HDAC9: variants seen among roughly 807,000 people sequenced by gnomAD.
The protein encoded by HDAC9 is MEF-2 interacting transcription repressor (MITR) protein.
In HDAC9, 41 loss-of-function variants were observed where a neutral mutation model predicts 139.4. The ratio of observed to expected loss-of-function variants is 0.29; its 90% CI spans 0.23 to 0.38. The LOEUF is 0.38. Ranked by LOEUF, HDAC9 falls within the 10% of genes least tolerant of loss-of-function variation. The pLI, the probability that HDAC9 is intolerant of heterozygous loss-of-function variation, is 1.00. For missense variants in HDAC9, 1,147 were observed against 1,297.0 expected (o/e 0.88, Z 1.78); for synonymous variants, 517 against 476.2 (o/e 1.09, Z -1.12).
chr7:18,383,718 T>TA (rs79484446), intron 1 of HDAC9, among the ~76,000 whole-genome samples: 187 of 141,742 alleles, frequency 1.3e-3, no homozygotes, highest in South Asian at 7.0e-3. Flanking sequence ...CCGTCTCTAC[T>TA]AAAAAAAAAA....
At chr7:18,470,384 T>C (rs781737854) in intron 1 of HDAC9, among the ~76,000 whole-genome samples, 50 of 152,156 alleles carry the variant, frequency 3.3e-4, no homozygotes, top group Non-Finnish European at 6.0e-4. Context: ...TTTGTAACGA[T>C]AATTTCAGTA....
chr7:18,368,832 A>T (rs917513737), intron 1 of HDAC9, among the ~76,000 whole-genome samples: 1 of 152,084 alleles, frequency 6.6e-6, no homozygotes, highest in Non-Finnish European at 1.5e-5. Flanking sequence ...GGTGCCCCTG[A>T]GAAGGAACAG....
At chr7:18,897,767 A>G (rs2389992) in intron 22 of HDAC9, among the ~76,000 whole-genome samples, 40,189 of 151,136 alleles carry the variant, frequency 0.27, 6,414 homozygotes, top group Non-Finnish European at 0.36. Flanking sequence ...TGGTTATAAA[A>G]CAAATGTTAT....
At chr7:18,990,162 G>GT (rs1187685305) in intron 25 of HDAC9, among the ~76,000 whole-genome samples, 5 of 152,108 alleles carry the variant, frequency 3.3e-5, no homozygotes, top group Non-Finnish European at 7.4e-5. Flanking sequence ...TTTCTGCTCT[G>GT]TTTTTTCCCC....
chr7:18,525,559 C>T (rs1806558808), intron 2 of HDAC9, among the ~76,000 whole-genome samples: 1 of 152,052 alleles, frequency 6.6e-6, no homozygotes. Context: ...TTGCTCAATC[C>T]ATATTTTTGT....
At chr7:18,267,129 G>A in intron 2 of HDAC9, among the ~76,000 whole-genome samples, 1 of 151,918 alleles carries the variant, frequency 6.6e-6, no homozygotes, top group East Asian at 1.9e-4. Flanking sequence ...TAAAAGACAT[G>A]GCTTTATTAT....
intron 13 of HDAC9, among the ~76,000 whole-genome samples, chr7:18,733,249 GTATATAA>G (rs1786548831): frequency 6.8e-6 from 1 of 146,432 alleles, no homozygotes; most frequent in African/African-American, 2.5e-5. Flanking sequence ...GTGTATATAT[GTATATAA>G]TGTATATATA....
chr7:18,434,465 A>C (rs1245016424), intron 1 of HDAC9, among the ~76,000 whole-genome samples: 2 of 152,266 alleles, frequency 1.3e-5, no homozygotes, highest in Admixed American at 6.5e-5. Flanking sequence ...GAATAAACAG[A>C]CATGGGAGAA....
rs750714516 is a variant in HDAC9 at position 18,975,797 on chromosome 7, T to A, written c.3023-9T>A. 10 of 1,613,206 alleles carry A rather than the reference T, an allele frequency of 6.2e-6. No individual in the cohort carries two copies. The South Asian group carries it at 1.1e-4, about 18-fold the overall frequency. ...AATTCTTATGAAGTATGATGGATGT[T>A]TTTCCTAGGCAAGTATTGGAAGTCA... On this transcript the variant is annotated splice_polypyrimidine_tract_variant and intron_variant, in intron 24 of 25. Coordinates refer to ENST00000686413, the MANE Select transcript of HDAC9 (RefSeq NM_178425.4).
intron 2 of HDAC9, among the ~76,000 whole-genome samples, chr7:18,261,625 C>T (rs961226557): frequency 2.0e-5 from 3 of 152,134 alleles, no homozygotes; most frequent in South Asian, 2.1e-4. Context: ...AAAGTACCCA[C>T]GCAAAAGGTT....
intron 1 of HDAC9, among the ~76,000 whole-genome samples, chr7:18,323,724 G>A (rs933156058): frequency 5.3e-5 from 8 of 152,112 alleles, no homozygotes; most frequent in Admixed American, 4.6e-4. Flanking sequence ...ATAGTCTTTG[G>A]TGAGTACCAA....
chr7:18,208,356 A>G (rs947845304), intron 2 of HDAC9, among the ~76,000 whole-genome samples: 3 of 150,186 alleles, frequency 2.0e-5, no homozygotes, highest in African/African-American at 7.4e-5. Context: ...TTTGTATCCA[A>G]AATGTCTGAG....
At chr7:18,288,907 G>A (rs1312530966), upstream of HDAC9, among the ~76,000 whole-genome samples, 1 of 152,224 alleles carries the variant, frequency 6.6e-6, no homozygotes, top group African/African-American at 2.4e-5. Flanking sequence ...AGCCGAGGAG[G>A]TGCCACCAAA....
intron 16 of HDAC9, among the ~76,000 whole-genome samples, chr7:18,792,331 T>G (rs1276969483): frequency 4.6e-5 from 7 of 151,910 alleles, no homozygotes; most frequent in African/African-American, 7.2e-5. Flanking sequence ...TTGGGAAGTC[T>G]TGCTATTTAC....
chr7:18,129,401 CT>C (rs1784869005), intron 1 of HDAC9, among the ~76,000 whole-genome samples: 1 of 151,938 alleles, frequency 6.6e-6, no homozygotes, highest in Non-Finnish European at 1.5e-5. Flanking sequence ...TTTTATTCAC[CT>C]TTTAAGTTTT....
intron 6 of HDAC9, among the ~76,000 whole-genome samples, chr7:18,599,277 T>G (rs546777173): frequency 7.2e-5 from 11 of 152,342 alleles, no homozygotes; most frequent in Non-Finnish European, 1.5e-5. Flanking sequence ...GTACATTTGT[T>G]GCAATTAAGG....
chr7:18,935,162 A>G (rs1001219495), intron 22 of HDAC9, among the ~76,000 whole-genome samples: 131 of 152,290 alleles, frequency 8.6e-4, no homozygotes, highest in African/African-American at 3.0e-3. Context: ...AGAAAGGCAC[A>G]TGGGGGTTGA....
chr7:18,299,597 A>T (rs1048837833), intron 1 of HDAC9, among the ~76,000 whole-genome samples: 1 of 151,312 alleles, frequency 6.6e-6, no homozygotes, highest in African/African-American at 2.4e-5. Context: ...ACAGTCAGGA[A>T]AAAAAGGTTT....
chr7:18,870,578 C>A (rs1005103520), intron 21 of HDAC9, among the ~76,000 whole-genome samples: 1 of 152,002 alleles, frequency 6.6e-6, no homozygotes, highest in Non-Finnish European at 1.5e-5. Context: ...CTGTTATTTT[C>A]CTTTTTAGTA....
Sources: gnomAD v4.1 joint callset for allele counts (sites outside exome capture counted in the v4.1 genomes callset) on GRCh38, gnomAD v4.1.1 for gene constraint, MANE v1.5 for transcripts, NCBI Gene and HGNC (gene_info 2026-07-23, HGNC 2026-07-21) for gene names.